The following FABP6 variants were observed in gnomAD, a reference collection of about 807,000 sequenced individuals.
The protein encoded by FABP6 is fatty acid binding protein 6.
A neutral mutation model predicts 14.9 loss-of-function variants in FABP6; 13 were observed. The ratio of observed to expected loss-of-function variants is 0.87; its 90% CI spans 0.57 to 1.39. The LOEUF (loss-of-function observed/expected upper bound fraction) is 1.39, where lower values mean the gene tolerates loss of function less well. Ranked by LOEUF, FABP6 falls within the 40% of genes most tolerant of loss-of-function variation. The probability of loss-of-function intolerance (pLI) is 0.00; values close to 1 mark genes in which losing one functional copy is unlikely to be tolerated. For synonymous variants in FABP6, 75 were observed against 63.6 expected, an observed-to-expected ratio of 1.18 and a Z score of -0.85; for missense variants, 161 against 167.2, an observed-to-expected ratio of 0.96 and a Z score of 0.20.
upstream of FABP6, chr5:160,228,499 C>T (rs140175874): frequency 2.0e-3 from 915 of 456,258 alleles, 11 homozygotes; most frequent in African/African-American, 0.015. Context: ...ATGGGTAGGC[C>T]GGAGTGATCA....
intron 1 of FABP6, among the ~76,000 whole-genome samples, chr5:160,187,940 C>T (rs1235119357): frequency 6.6e-6 from 1 of 152,028 alleles, no homozygotes; most frequent in East Asian, 1.9e-4. Flanking sequence ...TTAGTAGAGG[C>T]AGGGTTTCTC....
chr5:160,236,257 C>G (rs1185624949), intron 3 of FABP6, among the ~76,000 whole-genome samples: 1 of 152,142 alleles, frequency 6.6e-6, no homozygotes, highest in Non-Finnish European at 1.5e-5. Flanking sequence ...CTCAAGTGAT[C>G]TGCCCACCCT....
chr5:160,193,340 T>C (rs973677930), intron 1 of FABP6, among the ~76,000 whole-genome samples: 12 of 152,146 alleles, frequency 7.9e-5, no homozygotes, highest in Non-Finnish European at 8.8e-5. Flanking sequence ...GTAAGTGTTA[T>C]AGCTCATAAA....
intron 3 of FABP6, among the ~76,000 whole-genome samples, chr5:160,218,891 T>A (rs962431495): frequency 6.6e-6 from 1 of 151,974 alleles, no homozygotes. Context: ...CCTCAGTAGC[T>A]AGGACTACAG....
chr5:160,201,119 G>C (rs1337266001), intron 2 of FABP6, among the ~76,000 whole-genome samples: 1 of 152,118 alleles, frequency 6.6e-6, no homozygotes, highest in Non-Finnish European at 1.5e-5. Flanking sequence ...AGTTTGGTAA[G>C]CTGAGGCAGG....
At chr5:160,237,419 G>A (rs1760541394) in intron 3 of FABP6, among the ~76,000 whole-genome samples, 1 of 152,090 alleles carries the variant, frequency 6.6e-6, no homozygotes, top group Admixed American at 6.6e-5. Context: ...AAACAAAGTT[G>A]CATGACTAGG....
chr5:160,206,020 AC>A (rs1385788143), intron 2 of FABP6, among the ~76,000 whole-genome samples: 3 of 151,816 alleles, frequency 2.0e-5, no homozygotes, highest in South Asian at 2.1e-4. Context: ...GCAAACCGAT[AC>A]CCTCCTTCCA....
chr5:160,218,601 C>T (rs1185450767), intron 3 of FABP6, among the ~76,000 whole-genome samples: 1 of 151,668 alleles, frequency 6.6e-6, no homozygotes, highest in African/African-American at 2.4e-5. Context: ...GCTGGGATTA[C>T]AGGCACCCGC....
chr5:160,213,601 C>A, intron 2 of FABP6: 1 of 735,932 alleles, frequency 1.4e-6, no homozygotes, highest in Non-Finnish European at 2.4e-6. Flanking sequence ...TTCTTTTTTG[C>A]TCAAATCAGT....
rs546166598 is a variant in FABP6 at position 160,204,325 on chromosome 5, A to AATAAAG, written c.51+5174_51+5179dup. Among the ~76,000 whole-genome samples, 49 of 151,630 alleles carry AATAAAG rather than the reference A, an allele frequency of 3.2e-4. 1 individual carries two copies. The highest frequency in any genetic ancestry group is 3.2e-3 in the Admixed American group (49 of 15,196). On this transcript the variant is annotated intron_variant, in intron 2 of 6. Coordinates refer to the FABP6 transcript ENST00000393980. The stretch of plus-strand genomic sequence containing the variant: ...GAGTGAGACTCCCCATCTCTAATAA[A>AATAAAG]ATAAAGATAAAAATAAAAATAAATA...
intron 1 of FABP6, chr5:160,197,921 C>CGTGTGTGTGTGT (rs34714032): frequency 0.014 from 1,792 of 127,050 alleles, 59 homozygotes; most frequent in South Asian, 0.028. Flanking sequence ...AAGGCTGCTT[C>CGTGTGTGTGTGT]GTGTGTGTGT....
intron 2 of FABP6, among the ~76,000 whole-genome samples, chr5:160,233,881 A>G (rs201705763): frequency 0.38 from 27,073 of 71,392 alleles, 2,650 homozygotes; most frequent in Admixed American, 0.5. Context: ...CAAAAAAAGA[A>G]AAAAAAAAAA....
chr5:160,211,542 C>G (rs569356848), intron 2 of FABP6, among the ~76,000 whole-genome samples: 1 of 152,260 alleles, frequency 6.6e-6, no homozygotes, highest in African/African-American at 2.4e-5. Context: ...AGTGACAGAG[C>G]CTGTAACTGT....
intron 3 of FABP6, among the ~76,000 whole-genome samples, chr5:160,222,083 A>AT: frequency 7.2e-6 from 1 of 138,450 alleles, no homozygotes; most frequent in African/African-American, 2.6e-5. Context: ...TTCTTTCCAA[A>AT]TTTTTTCTTT....
intron 2 of FABP6, among the ~76,000 whole-genome samples, chr5:160,210,170 G>A (rs1759857873): frequency 6.6e-6 from 1 of 152,192 alleles, no homozygotes; most frequent in African/African-American, 2.4e-5. Context: ...GAAAAACACA[G>A]CAGGCAATGA....
intron 2 of FABP6, among the ~76,000 whole-genome samples, chr5:160,205,465 C>G (rs1354710429): frequency 6.6e-6 from 1 of 152,154 alleles, no homozygotes; most frequent in African/African-American, 2.4e-5. Flanking sequence ...TGCTGGCTTC[C>G]CCCTTCCTGA....
Position 160,218,432 on chromosome 5 carries a change from C to A in FABP6, c.135+4613C>A, listed in dbSNP as rs527339230. ...GTCTCATTGTGGATAAACAAAGCGCCAACTGGATTTTCTTATCTTAGTCTT... is the reference window on the plus strand; with the variant it reads ...GTCTCATTGTGGATAAACAAAGCGCAAACTGGATTTTCTTATCTTAGTCTT... On this transcript the variant is annotated intron_variant, in intron 3 of 6. Coordinates refer to the FABP6 transcript ENST00000393980. 1.9e-4 allele frequency among the ~76,000 whole-genome samples: 28 copies of A among 149,902 alleles called. No individual in the cohort carries two copies. In the South Asian group the frequency reaches 5.9e-3, roughly 32 times the overall value.
chr5:160,237,188 G>A (rs1760535556), intron 3 of FABP6, among the ~76,000 whole-genome samples: 1 of 152,010 alleles, frequency 6.6e-6, no homozygotes, highest in African/African-American at 2.4e-5. Flanking sequence ...AGGTGTGCAG[G>A]AAGAGCATAG....
chr5:160,229,375 C>T (rs1023191334), upstream of FABP6: 13 of 1,393,444 alleles, frequency 9.3e-6, no homozygotes, highest in Non-Finnish European at 1.2e-5. Flanking sequence ...TCTGTCCCTC[C>T]AGGTCCTGCC....
Sources: allele counts gnomAD v4.1 joint callset (sites outside exome capture counted in the v4.1 genomes callset), GRCh38; gene constraint gnomAD v4.1.1; transcripts MANE v1.5; gene names NCBI Gene and HGNC (gene_info 2026-07-23, HGNC 2026-07-21).